STAU2: variants seen among roughly 807,000 people sequenced by gnomAD.
The protein encoded by STAU2 is staufen double-stranded RNA binding protein 2.
STAU2 carries 20 observed loss-of-function variants against 65.9 expected under a neutral mutation model. The observed-to-expected ratio is 0.30, with a 90% confidence interval of 0.21 to 0.44. The LOEUF is 0.44. Ranked by LOEUF, STAU2 falls within the 20% of genes least tolerant of loss-of-function variation. The pLI is 1.00. For synonymous variants in STAU2, 232 were observed against 233.9 expected (o/e 0.99, Z 0.07); for missense variants, 558 against 683.9 (o/e 0.82, Z 2.05).
intron 11 of STAU2, among the ~76,000 whole-genome samples, chr8:73,593,770 T>C (rs979309462): frequency 2.4e-4 from 37 of 152,062 alleles, no homozygotes; most frequent in African/African-American, 8.7e-4. Context: ...ATTTCAACTC[T>C]TTCCTGAGTC....
intron 4 of STAU2, among the ~76,000 whole-genome samples, chr8:73,705,559 T>C (rs1190903431): frequency 1.3e-5 from 2 of 152,202 alleles, no homozygotes; most frequent in African/African-American, 4.8e-5. Context: ...TCTTTCGAGA[T>C]TTGAGCAAAC....
intron 13 of STAU2, among the ~76,000 whole-genome samples, chr8:73,499,868 G>C (rs1348852166): frequency 6.6e-6 from 1 of 151,772 alleles, no homozygotes; most frequent in East Asian, 1.9e-4. Flanking sequence ...TCTAGACCAC[G>C]GGAGTATGGA....
chr8:73,710,293 G>T (rs1451516817), intron 3 of STAU2, among the ~76,000 whole-genome samples: 1 of 150,716 alleles, frequency 6.6e-6, no homozygotes, highest in Admixed American at 6.6e-5. Flanking sequence ...GTCTCACTAT[G>T]TTGCCCAGGC....
chr8:73,562,288 C>T (rs554920885), intron 12 of STAU2, among the ~76,000 whole-genome samples: 3 of 152,292 alleles, frequency 2.0e-5, no homozygotes, highest in Admixed American at 1.3e-4. Context: ...AAGTTCAAAA[C>T]CAGCCTGGGC....
intron 13 of STAU2, among the ~76,000 whole-genome samples, chr8:73,454,221 GC>G (rs1246088162): frequency 6.6e-6 from 1 of 152,256 alleles, no homozygotes; most frequent in East Asian, 1.9e-4. Flanking sequence ...TTTTTAAAAT[GC>G]CACACATTCA....
chr8:73,445,823 C>T (rs1818436195), intron 13 of STAU2, among the ~76,000 whole-genome samples: 1 of 152,188 alleles, frequency 6.6e-6, no homozygotes, highest in South Asian at 2.1e-4. Context: ...AGTAGTGACA[C>T]CACCATACGC....
chr8:73,662,958 T>G (rs1032420596), intron 6 of STAU2, among the ~76,000 whole-genome samples: 5 of 152,074 alleles, frequency 3.3e-5, no homozygotes, highest in African/African-American at 9.7e-5. Flanking sequence ...ATTATTTTAC[T>G]ATTATTTGTT....
chr8:73,733,653 A>G (rs1806229854), intron 3 of STAU2, among the ~76,000 whole-genome samples: 1 of 152,250 alleles, frequency 6.6e-6, no homozygotes, highest in Admixed American at 6.5e-5. Flanking sequence ...ACAAATAAAA[A>G]GAAATAGATG....
chr8:73,743,564 C>T (rs1807039859), intron 1 of STAU2, among the ~76,000 whole-genome samples: 1 of 150,486 alleles, frequency 6.6e-6, no homozygotes, highest in African/African-American at 2.5e-5. Context: ...AGATCCGCCT[C>T]CTGGTTTCAA....
chr8:73,504,877 A>G (rs1013712271), intron 13 of STAU2, among the ~76,000 whole-genome samples: 1 of 152,160 alleles, frequency 6.6e-6, no homozygotes, highest in Non-Finnish European at 1.5e-5. Context: ...GGTAAAAATA[A>G]AACTTTTTTG....
chr8:73,634,955 T>C (rs1814381376), intron 6 of STAU2, among the ~76,000 whole-genome samples: 1 of 152,232 alleles, frequency 6.6e-6, no homozygotes, highest in African/African-American at 2.4e-5. Flanking sequence ...TTTTATTTTC[T>C]ATCTCCCCCA....
chr8:73,510,837 AG>A (rs1314502150), intron 13 of STAU2, among the ~76,000 whole-genome samples: 2 of 152,250 alleles, frequency 1.3e-5, no homozygotes, highest in Non-Finnish European at 2.9e-5. Context: ...TGGGGATTAT[AG>A]AAACTACAAT....
chr8:73,524,730 C>T (rs1467900090), intron 13 of STAU2, among the ~76,000 whole-genome samples: 1 of 152,120 alleles, frequency 6.6e-6, no homozygotes, highest in African/African-American at 2.4e-5. Context: ...TCTGTTTGGT[C>T]AACTGCATTG....
intron 10 of STAU2, among the ~76,000 whole-genome samples, chr8:73,599,120 A>G (rs1430199391): frequency 6.6e-6 from 1 of 152,248 alleles, no homozygotes; most frequent in Non-Finnish European, 1.5e-5. Context: ...ATATCTTTTT[A>G]CAATACTTGA....
At chr8:73,732,014 A>G (rs1358654793) in intron 3 of STAU2, among the ~76,000 whole-genome samples, 1 of 152,232 alleles carries the variant, frequency 6.6e-6, no homozygotes, top group African/African-American at 2.4e-5. Flanking sequence ...AGGGTTGGCA[A>G]TCAGGGAACA....
At chr8:73,536,417 CT>C (rs1456002641) in intron 13 of STAU2, among the ~76,000 whole-genome samples, 2 of 152,146 alleles carry the variant, frequency 1.3e-5, no homozygotes, top group African/African-American at 4.8e-5. Flanking sequence ...ACATATAAAT[CT>C]TTTAGGCAAT....
chr8:73,467,423 G>A (rs1288432610), intron 13 of STAU2, among the ~76,000 whole-genome samples: 4 of 152,042 alleles, frequency 2.6e-5, no homozygotes, highest in Non-Finnish European at 2.9e-5. Flanking sequence ...TCCCAGCTAC[G>A]TGGGAGGCTG....
intron 13 of STAU2, among the ~76,000 whole-genome samples, chr8:73,448,187 A>C (rs1009416882): frequency 6.6e-6 from 1 of 152,230 alleles, no homozygotes; most frequent in African/African-American, 2.4e-5. Context: ...GTTAAACTAG[A>C]GAAGGCAAAT....
intron 13 of STAU2, among the ~76,000 whole-genome samples, chr8:73,505,927 C>G (rs6987800): frequency 0.79 from 120,640 of 151,766 alleles, 48,833 homozygotes; most frequent in East Asian, 0.94. Context: ...TTGTTTAAAA[C>G]TATCTGGCAC....
Sources: gnomAD v4.1 joint callset for allele counts (sites outside exome capture counted in the v4.1 genomes callset) on GRCh38, gnomAD v4.1.1 for gene constraint, MANE v1.5 for transcripts, NCBI Gene and HGNC (gene_info 2026-07-23, HGNC 2026-07-21) for gene names.